The following SPIDR variants were observed in gnomAD, a reference collection of about 807,000 sequenced individuals.
The protein encoded by SPIDR is DNA repair-scaffolding protein.
A neutral mutation model predicts 104.6 loss-of-function variants in SPIDR; 93 were observed. The observed-to-expected ratio is 0.89, with a 90% CI of 0.75 to 1.06. The LOEUF is 1.06. Ranked by LOEUF, SPIDR falls within the 50% of genes least tolerant of loss-of-function variation. The pLI, the probability that SPIDR is intolerant of heterozygous loss-of-function variation, is 0.00. For synonymous variants in SPIDR, 431 were observed against 416.9 expected (o/e 1.03, Z -0.41); for missense variants, 1,154 against 1,111.2 (o/e 1.04, Z -0.55).
intron 10 of SPIDR, among the ~76,000 whole-genome samples, chr8:47,658,029 C>CAAAAAAAAAAAAAAAAAAAAAAAAAAA: frequency 1.3e-5 from 1 of 76,040 alleles, no homozygotes; most frequent in Non-Finnish European, 2.5e-5. Flanking sequence ...GACCCTGTCT[C>CAAAAAAAAAAAAAAAAAAAAAAAAAAA]AAAAAAAAAA....
At chr8:47,570,040 G>A (rs906497505) in intron 8 of SPIDR, among the ~76,000 whole-genome samples, 1 of 152,126 alleles carries the variant, frequency 6.6e-6, no homozygotes, top group Non-Finnish European at 1.5e-5. Context: ...ATTCCTATTA[G>A]AATCCCATCT....
At chr8:47,650,279 C>T (rs1405021071) in intron 10 of SPIDR, among the ~76,000 whole-genome samples, 2 of 152,124 alleles carry the variant, frequency 1.3e-5, no homozygotes, top group African/African-American at 4.8e-5. Context: ...AATCAATGTA[C>T]AAAAATCAGT....
At chr8:47,686,494 T>A (rs1226287611) in intron 11 of SPIDR, among the ~76,000 whole-genome samples, 1 of 152,220 alleles carries the variant, frequency 6.6e-6, no homozygotes, top group Non-Finnish European at 1.5e-5. Flanking sequence ...AAAGCTTGAG[T>A]GTCACTAGAG....
At chr8:47,297,325 C>A (rs1554573439) in intron 5 of SPIDR, among the ~76,000 whole-genome samples, 2 of 152,142 alleles carry the variant, frequency 1.3e-5, no homozygotes, top group Non-Finnish European at 2.9e-5. Context: ...TTCCAGGGAG[C>A]ATGGCAGCTG....
At chr8:47,522,083 G>A (rs1429257713) in intron 8 of SPIDR, among the ~76,000 whole-genome samples, 3 of 150,994 alleles carry the variant, frequency 2.0e-5, no homozygotes, top group Non-Finnish European at 4.4e-5. Context: ...AGAATCGCTT[G>A]AACCTGAGAG....
At chr8:47,601,053 G>A (rs1171417987) in intron 10 of SPIDR, among the ~76,000 whole-genome samples, 1 of 152,170 alleles carries the variant, frequency 6.6e-6, no homozygotes, top group African/African-American at 2.4e-5. Flanking sequence ...AAATGCTACC[G>A]ATGTGAGTTG....
At chr8:47,310,947 A>G (rs375127627) in intron 5 of SPIDR, among the ~76,000 whole-genome samples, 126 of 152,320 alleles carry the variant, frequency 8.3e-4, no homozygotes, top group African/African-American at 3.0e-3. Flanking sequence ...AGACACACAC[A>G]TACACAAACA....
chr8:47,514,118 C>T (rs896725920), intron 8 of SPIDR, among the ~76,000 whole-genome samples: 1 of 152,178 alleles, frequency 6.6e-6, no homozygotes, highest in Non-Finnish European at 1.5e-5. Context: ...TAAGTATTAG[C>T]TGACAGGAGT....
intron 5 of SPIDR, among the ~76,000 whole-genome samples, chr8:47,302,832 C>G (rs977101178): frequency 2.6e-5 from 4 of 152,160 alleles, no homozygotes; most frequent in Non-Finnish European, 4.4e-5. Context: ...AGTACCTGGC[C>G]ATGTGAGGTG....
chr8:47,267,000 G>A (rs1161585717), intron 1 of SPIDR, among the ~76,000 whole-genome samples: 2 of 152,082 alleles, frequency 1.3e-5, no homozygotes, highest in Non-Finnish European at 2.9e-5. Context: ...TTTGTGACTG[G>A]CTTCTTTCAT....
chr8:47,715,964 C>CTTTTT (rs965625857), intron 16 of SPIDR, among the ~76,000 whole-genome samples: 3 of 127,094 alleles, frequency 2.4e-5, no homozygotes, highest in Admixed American at 1.6e-4. Flanking sequence ...TCTCTTTTTT[C>CTTTTT]TTTTTTTTTT....
At chr8:47,398,577 G>C (rs1222349683) in intron 6 of SPIDR, among the ~76,000 whole-genome samples, 1 of 152,074 alleles carries the variant, frequency 6.6e-6, no homozygotes, top group Admixed American at 6.6e-5. Flanking sequence ...GGTGCTTTTG[G>C]TTTTGTATCT....
At chr8:47,661,574 G>A (rs980529246) in intron 10 of SPIDR, among the ~76,000 whole-genome samples, 8 of 152,192 alleles carry the variant, frequency 5.3e-5, no homozygotes, top group Non-Finnish European at 8.8e-5. Flanking sequence ...TCTTGAGCCC[G>A]CCGTGGCCTG....
At chr8:47,568,458 A>G (rs887612531) in intron 8 of SPIDR, among the ~76,000 whole-genome samples, 6 of 152,222 alleles carry the variant, frequency 3.9e-5, no homozygotes, top group Admixed American at 2.0e-4. Context: ...TGTGTAAGGA[A>G]CTGTGTGAGA....
intron 5 of SPIDR, among the ~76,000 whole-genome samples, chr8:47,350,525 G>A (rs1563707575): frequency 6.6e-6 from 1 of 151,548 alleles, no homozygotes; most frequent in Non-Finnish European, 1.5e-5. Flanking sequence ...TGTTGTCCAG[G>A]TTGGTCTTGA....
At position 47,599,207 on chromosome 8, in the gene SPIDR, A is replaced by C; in HGVS notation, c.1544+11A>C. 1 of 1,612,426 alleles carries C rather than the reference A, an allele frequency of 6.2e-7. No individual in the cohort carries two copies. Among genetic ancestry groups the C allele is most frequent in the Non-Finnish European group, 8.5e-7 (1 of 1,179,298 alleles). On this transcript the variant is annotated intron_variant, in intron 10 of 19. Transcript: ENST00000297423. ...CCCAGCTGGAACTCGGTGAGTGCCA[A>C]GATGCTGGTGTGGGGCAGAGGTGAA...
At chr8:47,267,420 T>C (rs2034330887) in intron 1 of SPIDR, among the ~76,000 whole-genome samples, 2 of 152,254 alleles carry the variant, frequency 1.3e-5, no homozygotes, top group South Asian at 4.1e-4. Context: ...TATGTTTACA[T>C]TTTGGATAAC....
chr8:47,575,661 A>G (rs1161037120), intron 8 of SPIDR, among the ~76,000 whole-genome samples: 11 of 135,244 alleles, frequency 8.1e-5, no homozygotes, highest in Admixed American at 1.5e-4. Flanking sequence ...AAAAAAAAAA[A>G]AAGAAAGAAA....
rs184336818 is a variant in SPIDR at position 47,655,072 on chromosome 8, C to G, written c.1545-18729C>G. ...GACATAAACTCATCCTTTTTTATGGCTGCATAGTGTTCCATGGTGTATATG... is the reference window on the plus strand; with the variant it reads ...GACATAAACTCATCCTTTTTTATGGGTGCATAGTGTTCCATGGTGTATATG... On this transcript the variant is annotated intron_variant, in intron 10 of 19. Coordinates refer to ENST00000297423, the MANE Select transcript of SPIDR (RefSeq NM_001080394.4). 2.0e-5 allele frequency among the ~76,000 whole-genome samples: 3 copies of G among 152,294 alleles called. No homozygotes were observed. The East Asian group carries it at 5.8e-4, about 29-fold the overall frequency.
Sources: gnomAD v4.1 joint callset for allele counts (sites outside exome capture counted in the v4.1 genomes callset) on GRCh38, gnomAD v4.1.1 for gene constraint, MANE v1.5 for transcripts, NCBI Gene and HGNC (gene_info 2026-07-23, HGNC 2026-07-21) for gene names.